The following RAP1GDS1 variants were observed in gnomAD, a reference collection of about 807,000 sequenced individuals.
The protein encoded by RAP1GDS1 is RAP1, GTP-GDP dissociation stimulator 1.
In RAP1GDS1, 35 loss-of-function variants were observed where a neutral mutation model predicts 71.1. The observed-to-expected ratio is 0.49, with a 90% CI of 0.38 to 0.65. RAP1GDS1 has a LOEUF of 0.65. Among genes scored for constraint, RAP1GDS1 ranks in the 30% least tolerant of loss-of-function variants. The pLI is 0.00. For missense variants in RAP1GDS1, 663 were observed against 706.1 expected (o/e 0.94, Z 0.69); for synonymous variants, 229 against 243.1 (o/e 0.94, Z 0.54).
At chr4:98,322,999 G>A (rs1189472980) in intron 2 of RAP1GDS1, among the ~76,000 whole-genome samples, 1 of 150,064 alleles carries the variant, frequency 6.7e-6, no homozygotes, top group African/African-American at 2.5e-5. Flanking sequence ...TTTTTGAAAG[G>A]ATCAACAAAA....
chr4:98,336,840 T>C (rs1041353033), intron 2 of RAP1GDS1, among the ~76,000 whole-genome samples: 1 of 152,102 alleles, frequency 6.6e-6, no homozygotes, highest in African/African-American at 2.4e-5. Flanking sequence ...CTACTTATAT[T>C]CAGCATATTT....
chr4:98,341,911 T>G (rs1735558187), intron 2 of RAP1GDS1, among the ~76,000 whole-genome samples: 1 of 152,092 alleles, frequency 6.6e-6, no homozygotes, highest in African/African-American at 2.4e-5. Flanking sequence ...CATATATACT[T>G]ACAGGCACAT....
At chr4:98,431,502 A>T (rs139559440) in intron 12 of RAP1GDS1, among the ~76,000 whole-genome samples, 2 of 152,224 alleles carry the variant, frequency 1.3e-5, no homozygotes, top group African/African-American at 4.8e-5. Context: ...TTAGCTTTCT[A>T]TAAGAATAGA....
At chr4:98,367,571 C>G (rs989642173) in intron 4 of RAP1GDS1, among the ~76,000 whole-genome samples, 3 of 152,202 alleles carry the variant, frequency 2.0e-5, no homozygotes, top group Admixed American at 2.0e-4. Context: ...AACACCAGCC[C>G]ATGAAAGTAA....
At chr4:98,429,827 C>T (rs550662039) in intron 12 of RAP1GDS1, among the ~76,000 whole-genome samples, 2 of 151,926 alleles carry the variant, frequency 1.3e-5, no homozygotes, top group East Asian at 3.9e-4. Context: ...ATTTGGAACT[C>T]TCAGATAAAT....
At chr4:98,429,697 C>T (rs150228637) in intron 12 of RAP1GDS1, among the ~76,000 whole-genome samples, 196 of 152,228 alleles carry the variant, frequency 1.3e-3, no homozygotes, top group African/African-American at 4.3e-3. Flanking sequence ...AAGAAAGCTA[C>T]GAATTTGTGT....
chr4:98,425,941 G>A (rs1322175837), intron 12 of RAP1GDS1, among the ~76,000 whole-genome samples: 1 of 152,072 alleles, frequency 6.6e-6, no homozygotes, highest in Non-Finnish European at 1.5e-5. Context: ...TTAGCAAATG[G>A]AACTTTTCTC....
In RAP1GDS1 at chr4:98,392,037, T is replaced by TA; in HGVS notation, c.595dup (p.Thr199AsnfsTer10). On this transcript the variant is annotated frameshift_variant, in exon 6 of 15. Coordinates refer to ENST00000408927, the MANE Select transcript of RAP1GDS1 (RefSeq NM_001100427.2). LOFTEE classifies it high-confidence loss of function. ...GCATCCACTGCCAAAATGCAGCTCT[T>TA]ACAGAAATGTGTCTTGTTGCATTTG... is the stretch of plus-strand genomic sequence containing the variant. The TA allele has an allele frequency of 3.1e-6, 5 of 1,613,076 alleles. No homozygotes were observed. Among genetic ancestry groups the TA allele is most frequent in the Non-Finnish European group, 4.2e-6 (5 of 1,179,374 alleles).
intron 2 of RAP1GDS1, among the ~76,000 whole-genome samples, chr4:98,316,249 G>A (rs1244506205): frequency 6.6e-6 from 1 of 152,106 alleles, no homozygotes; most frequent in Non-Finnish European, 1.5e-5. Context: ...TATGGAAAGA[G>A]GGCTGATAGG....
At chr4:98,316,835 G>A (rs775215216) in intron 2 of RAP1GDS1, among the ~76,000 whole-genome samples, 31 of 152,250 alleles carry the variant, frequency 2.0e-4, no homozygotes, top group Non-Finnish European at 3.1e-4. Context: ...TGAAAGATAG[G>A]AGCTAGAGTT....
intron 14 of RAP1GDS1, chr4:98,441,764 C>A: frequency 1.8e-6 from 1 of 546,456 alleles, no homozygotes; most frequent in Non-Finnish European, 2.3e-6. Flanking sequence ...AAGTCCCCAT[C>A]TTTAAAATTT....
chr4:98,412,828 A>G (rs1747268058), intron 7 of RAP1GDS1, among the ~76,000 whole-genome samples: 1 of 152,122 alleles, frequency 6.6e-6, no homozygotes, highest in Admixed American at 6.5e-5. Context: ...GGAAGTTTTT[A>G]TTAGGGATTT....
intron 1 of RAP1GDS1, among the ~76,000 whole-genome samples, chr4:98,268,868 A>G (rs781667955): frequency 2.6e-5 from 4 of 152,154 alleles, no homozygotes; most frequent in Non-Finnish European, 4.4e-5. Flanking sequence ...TATTGTTACA[A>G]TGTTCATAGT....
chr4:98,410,735 C>T (rs1412538600), intron 7 of RAP1GDS1, among the ~76,000 whole-genome samples: 1 of 151,968 alleles, frequency 6.6e-6, no homozygotes, highest in Non-Finnish European at 1.5e-5. Context: ...AGGAAAAAGC[C>T]AACACTGAAA....
Position 98,443,644 on chromosome 4 carries a change from A to G in RAP1GDS1, c.*1527A>G, listed in dbSNP as rs1752131752. 4.8e-6 allele frequency: 1 copy of G among 209,682 alleles called. No homozygotes were observed. Among genetic ancestry groups the G allele is most frequent in the Non-Finnish European group, 9.7e-6 (1 of 103,296 alleles). The allele number at this position is 209,682 out of a possible 1,614,324, so 13.0% of individuals were successfully genotyped here. The stretch of plus-strand genomic sequence containing the variant: ...TATAATCCAAGAAAGTTAAATTCTA[A>G]TGGAGGTAAAGAATCTTGACTGATT... On this transcript the variant is annotated 3_prime_UTR_variant, in exon 15 of 15. Coordinates refer to ENST00000408927, the MANE Select transcript of RAP1GDS1 (RefSeq NM_001100427.2).
chr4:98,296,945 G>A (rs1353963837), intron 2 of RAP1GDS1: 4 of 338,370 alleles, frequency 1.2e-5, no homozygotes, highest in Admixed American at 6.9e-5. Flanking sequence ...GTTGCCGGGG[G>A]GACCATAAAG....
intron 2 of RAP1GDS1, among the ~76,000 whole-genome samples, chr4:98,306,713 G>T (rs1729378257): frequency 6.6e-6 from 1 of 152,162 alleles, no homozygotes; most frequent in African/African-American, 2.4e-5. Context: ...TTAGATAAAT[G>T]TGTTTTCATT....
chr4:98,382,787 G>C (rs1742198381), intron 5 of RAP1GDS1, among the ~76,000 whole-genome samples: 1 of 151,632 alleles, frequency 6.6e-6, no homozygotes, highest in African/African-American at 2.4e-5. Context: ...ATACTTGGAA[G>C]AGAAACATGT....
chr4:98,373,791 T>C (rs1740753932), intron 4 of RAP1GDS1, among the ~76,000 whole-genome samples: 1 of 152,192 alleles, frequency 6.6e-6, no homozygotes, highest in Non-Finnish European at 1.5e-5. Flanking sequence ...ATAGAACAGT[T>C]ATAGCCATAT....
Sources: gnomAD v4.1 joint callset for allele counts (sites outside exome capture counted in the v4.1 genomes callset) on GRCh38, gnomAD v4.1.1 for gene constraint, MANE v1.5 for transcripts, NCBI Gene and HGNC (gene_info 2026-07-23, HGNC 2026-07-21) for gene names.